The following CTNNA2 variants were observed in gnomAD, a reference collection of about 807,000 sequenced individuals.
CTNNA2 encodes the protein catenin alpha 2.
Under a neutral mutation model 101.0 loss-of-function variants are expected in CTNNA2, and 42 were observed. The observed-to-expected ratio is 0.42, with a 90% CI of 0.32 to 0.54. CTNNA2 has a LOEUF of 0.54. Ranked by LOEUF, CTNNA2 falls within the 20% of genes least tolerant of loss-of-function variation. The pLI, the probability that CTNNA2 is intolerant of heterozygous loss-of-function variation, is 0.14. For synonymous variants in CTNNA2, 450 were observed against 456.4 expected (o/e 0.99, Z 0.18); for missense variants, 871 against 1,223.1 (o/e 0.71, Z 4.29).
chr2:79,823,970 C>A (rs892887904), intron 3 of CTNNA2, among the ~76,000 whole-genome samples: 6 of 151,850 alleles, frequency 4.0e-5, no homozygotes, highest in Admixed American at 3.9e-4. Flanking sequence ...GTGCTAAATG[C>A]AAGGACCTCT....
intron 3 of CTNNA2, among the ~76,000 whole-genome samples, chr2:79,363,259 G>A (rs1310489908): frequency 6.6e-6 from 1 of 152,204 alleles, no homozygotes; most frequent in African/African-American, 2.4e-5. Flanking sequence ...ACAAGGTAGA[G>A]AGAGAACAAG....
intron 8 of CTNNA2, among the ~76,000 whole-genome samples, chr2:80,412,191 T>A (rs2149395725): frequency 6.6e-6 from 1 of 152,302 alleles, no homozygotes; most frequent in East Asian, 1.9e-4. Flanking sequence ...GCAAGTGCTC[T>A]TGCATATCGT....
intron 7 of CTNNA2, among the ~76,000 whole-genome samples, chr2:80,349,718 C>T (rs34560877): frequency 0.26 from 39,157 of 151,846 alleles, 5,426 homozygotes; most frequent in East Asian, 0.42. Context: ...TGGGGTCTTG[C>T]TATGTTGCTT....
intron 1 of CTNNA2, among the ~76,000 whole-genome samples, chr2:79,582,717 T>C (rs1192503292): frequency 5.3e-5 from 8 of 152,276 alleles, no homozygotes; most frequent in Non-Finnish European, 1.0e-4. Context: ...TTCTAGGTTT[T>C]TCTGCCTTCT....
At chr2:79,847,156 C>T (rs1351164973) in intron 3 of CTNNA2, among the ~76,000 whole-genome samples, 1 of 151,864 alleles carries the variant, frequency 6.6e-6, no homozygotes, top group Non-Finnish European at 1.5e-5. Context: ...AACAAACTTC[C>T]CAAGATCTAC....
intron 9 of CTNNA2, among the ~76,000 whole-genome samples, chr2:80,463,722 T>G (rs1306030261): frequency 6.6e-6 from 1 of 152,184 alleles, no homozygotes; most frequent in Non-Finnish European, 1.5e-5. Context: ...ATCTTCATAT[T>G]GCTATTTTAC....
intron 2 of CTNNA2, among the ~76,000 whole-genome samples, chr2:79,697,518 A>ACT (rs1187904531): frequency 6.6e-6 from 1 of 152,060 alleles, no homozygotes; most frequent in African/African-American, 2.4e-5. Context: ...TGCAAAGAAT[A>ACT]GTCAGTCTTC....
rs77679976 is a variant in CTNNA2 at position 79,269,418 on chromosome 2, G to A, written c.-405-43291G>A. 7.8e-3 allele frequency among the ~76,000 whole-genome samples: 1,190 copies of A among 152,176 alleles called. 46 individuals carry two copies. The highest frequency in any genetic ancestry group is 0.075 in the East Asian group (385 of 5,132). On this transcript the variant is annotated intron_variant, in intron 2 of 21. Transcript: ENST00000466387. ...TCTACCCAAAAGATTTCCAAGGGTGGCCCTCAGGCAACCCGCAGTGGGTCA... is the reference window on the plus strand; with the variant it reads ...TCTACCCAAAAGATTTCCAAGGGTGACCCTCAGGCAACCCGCAGTGGGTCA...
At chr2:80,386,362 A>G (rs1177129816) in intron 7 of CTNNA2, among the ~76,000 whole-genome samples, 2 of 152,196 alleles carry the variant, frequency 1.3e-5, no homozygotes, top group African/African-American at 4.8e-5. Flanking sequence ...TCCAAGAGAA[A>G]TGTCCTTAGC....
intron 9 of CTNNA2, among the ~76,000 whole-genome samples, chr2:80,518,992 G>T (rs1225569088): frequency 6.7e-6 from 1 of 149,734 alleles, no homozygotes; most frequent in African/African-American, 2.5e-5. Context: ...ATTTTTTTTT[G>T]AAATCTGGCA....
intron 2 of CTNNA2, among the ~76,000 whole-genome samples, chr2:79,653,659 A>G (rs1215308446): frequency 6.6e-6 from 1 of 152,170 alleles, no homozygotes; most frequent in Non-Finnish European, 1.5e-5. Flanking sequence ...TCCTAATTTT[A>G]GCCTTTTGAA....
chr2:79,981,745 T>C (rs1691286296), intron 7 of CTNNA2, among the ~76,000 whole-genome samples: 1 of 152,194 alleles, frequency 6.6e-6, no homozygotes, highest in South Asian at 2.1e-4. Flanking sequence ...CCAGTCAAAC[T>C]TGCCCATTAT....
chr2:79,820,470 A>G (rs1023596941), intron 3 of CTNNA2, among the ~76,000 whole-genome samples: 3 of 152,228 alleles, frequency 2.0e-5, no homozygotes, highest in Non-Finnish European at 4.4e-5. Flanking sequence ...AAGTTGGCTG[A>G]AATCCTTATC....
At chr2:79,499,701 T>C (rs997901899) in intron 4 of CTNNA2, among the ~76,000 whole-genome samples, 1 of 152,194 alleles carries the variant, frequency 6.6e-6, no homozygotes, top group African/African-American at 2.4e-5. Context: ...TTCTTCATTG[T>C]GACAAGCTTG....
intron 7 of CTNNA2, among the ~76,000 whole-genome samples, chr2:79,980,976 G>T (rs1007228858): frequency 6.6e-6 from 1 of 151,656 alleles, no homozygotes; most frequent in Non-Finnish European, 1.5e-5. Context: ...ATTCTGAATG[G>T]GCTCACTTGT....
intron 2 of CTNNA2, among the ~76,000 whole-genome samples, chr2:79,706,474 A>G (rs373299374): frequency 1.3e-5 from 2 of 152,090 alleles, no homozygotes; most frequent in Middle Eastern, 3.2e-3. Context: ...TCACCAACAA[A>G]GATTCCCACT....
chr2:79,477,822 G>T (rs773420469), intron 4 of CTNNA2, among the ~76,000 whole-genome samples: 1 of 152,224 alleles, frequency 6.6e-6, no homozygotes, highest in Non-Finnish European at 1.5e-5. Context: ...TAACCAGTAT[G>T]CTAAACTAGC....
chr2:79,355,435 C>A (rs952278220), intron 3 of CTNNA2, among the ~76,000 whole-genome samples: 4 of 152,276 alleles, frequency 2.6e-5, no homozygotes, highest in Middle Eastern at 3.4e-3. Context: ...TTGTAGATAT[C>A]TTTCCCTTCC....
At chr2:79,789,970 G>T (rs975680617) in intron 3 of CTNNA2, among the ~76,000 whole-genome samples, 9 of 152,110 alleles carry the variant, frequency 5.9e-5, no homozygotes, top group African/African-American at 2.2e-4. Flanking sequence ...TTAATCTTCT[G>T]GGAGAGAGTC....
Sources: gnomAD v4.1 joint callset for allele counts (sites outside exome capture counted in the v4.1 genomes callset) on GRCh38, gnomAD v4.1.1 for gene constraint, MANE v1.5 for transcripts, NCBI Gene and HGNC (gene_info 2026-07-23, HGNC 2026-07-21) for gene names.